CCSER1: variants seen among roughly 807,000 people sequenced by gnomAD.
CCSER1 encodes serine-rich coiled-coil domain-containing protein 1.
In CCSER1, 41 loss-of-function variants were observed where a neutral mutation model predicts 82.0. The ratio of observed to expected loss-of-function variants is 0.50; its 90% CI spans 0.39 to 0.65. CCSER1 has a LOEUF of 0.65. CCSER1 is among the 30% of genes least tolerant of loss of function. The pLI is 0.00. For missense variants in CCSER1, 1,119 were observed against 1,064.2 expected (o/e 1.05, Z -0.72); for synonymous variants, 414 against 383.9 (o/e 1.08, Z -0.92).
intron 10 of CCSER1, among the ~76,000 whole-genome samples, chr4:91,520,225 G>A (rs1279658998): frequency 6.6e-6 from 1 of 150,916 alleles, no homozygotes. Flanking sequence ...TTGTTCTAGG[G>A]ATTACAATTA....
At chr4:90,535,612 C>G (rs1775218805) in intron 5 of CCSER1, among the ~76,000 whole-genome samples, 1 of 152,210 alleles carries the variant, frequency 6.6e-6, no homozygotes, top group African/African-American at 2.4e-5. Context: ...TATACCTACA[C>G]TGGCTCATAG....
intron 10 of CCSER1, among the ~76,000 whole-genome samples, chr4:91,280,321 T>C (rs990768572): frequency 2.0e-5 from 3 of 152,132 alleles, no homozygotes; most frequent in African/African-American, 7.2e-5. Context: ...TGGTATTGCA[T>C]GGGTGATAGC....
At chr4:90,304,264 CA>C (rs1733772178) in intron 1 of CCSER1, among the ~76,000 whole-genome samples, 2 of 152,158 alleles carry the variant, frequency 1.3e-5, no homozygotes, top group African/African-American at 2.4e-5. Flanking sequence ...TCTAGAACTA[CA>C]AATACCACTT....
At chr4:90,487,426 A>G (rs1301049600) in intron 5 of CCSER1, among the ~76,000 whole-genome samples, 1 of 152,220 alleles carries the variant, frequency 6.6e-6, no homozygotes, top group Non-Finnish European at 1.5e-5. Context: ...TTTAATGTAC[A>G]GTAGTCATTT....
At chr4:90,562,657 C>G (rs955919350) in intron 5 of CCSER1, among the ~76,000 whole-genome samples, 4 of 151,972 alleles carry the variant, frequency 2.6e-5, no homozygotes, top group African/African-American at 9.7e-5. Context: ...TCTGCCCCAG[C>G]CTCCCAAGTA....
intron 6 of CCSER1, among the ~76,000 whole-genome samples, chr4:90,664,518 A>G (rs1209119038): frequency 6.6e-6 from 1 of 152,206 alleles, no homozygotes; most frequent in Non-Finnish European, 1.5e-5. Flanking sequence ...TGTGGTTCAC[A>G]TTAATAGTTA....
rs577551418 is a variant in CCSER1, at chr4:90,158,197, G to A, written c.-42+30366G>A. Among the ~76,000 whole-genome samples the A allele has an allele frequency of 1.5e-3, 230 of 152,220 alleles. 1 individual carries two copies. Among genetic ancestry groups the A allele is most frequent in the African/African-American group, 5.0e-3 (209 of 41,530 alleles). On this transcript the variant is annotated intron_variant, in intron 1 of 10. Coordinates refer to ENST00000509176, the MANE Select transcript of CCSER1 (RefSeq NM_001145065.2). ...GTGGCTGCATAAACAGCGGATTTTC[G>A]TGAACCGCAAATGCTGCTGTCTGAT... is the stretch of plus-strand genomic sequence containing the variant.
At chr4:90,745,536 C>T (rs988186446) in intron 7 of CCSER1, among the ~76,000 whole-genome samples, 2 of 152,050 alleles carry the variant, frequency 1.3e-5, no homozygotes, top group Non-Finnish European at 1.5e-5. Flanking sequence ...TACCAAGTAA[C>T]TTTTGTTCTG....
chr4:90,947,272 A>G (rs1430473892), intron 9 of CCSER1, among the ~76,000 whole-genome samples: 1 of 152,180 alleles, frequency 6.6e-6, no homozygotes, highest in African/African-American at 2.4e-5. Flanking sequence ...GGTCTTAATG[A>G]AAATATGGAA....
intron 10 of CCSER1, among the ~76,000 whole-genome samples, chr4:91,552,458 A>G (rs1381942687): frequency 1.3e-5 from 2 of 151,740 alleles, no homozygotes; most frequent in Admixed American, 1.3e-4. Flanking sequence ...TAACAAGATC[A>G]TTATACAGAG....
chr4:90,621,140 C>G (rs745462405), intron 5 of CCSER1, among the ~76,000 whole-genome samples: 1 of 152,114 alleles, frequency 6.6e-6, no homozygotes, highest in Admixed American at 6.5e-5. Context: ...TTACAGCTGA[C>G]TCTCCTCTCT....
chr4:90,948,107 G>A (rs34473363), intron 9 of CCSER1, among the ~76,000 whole-genome samples: 2 of 151,754 alleles, frequency 1.3e-5, no homozygotes, highest in African/African-American at 4.8e-5. Flanking sequence ...AGTGTTGAGT[G>A]TAAAGTGAAA....
At chr4:91,086,352 A>G (rs1048290059) in intron 10 of CCSER1, among the ~76,000 whole-genome samples, 2 of 152,092 alleles carry the variant, frequency 1.3e-5, no homozygotes, top group Non-Finnish European at 2.9e-5. Context: ...AATTCTAACA[A>G]TGCAAATATT....
chr4:91,260,155 T>G (rs983689596), intron 10 of CCSER1, among the ~76,000 whole-genome samples: 1 of 152,206 alleles, frequency 6.6e-6, no homozygotes, highest in Non-Finnish European at 1.5e-5. Context: ...TTCTCTATAC[T>G]ATTAATTTTA....
At chr4:91,315,369 T>C (rs1189059399) in intron 10 of CCSER1, among the ~76,000 whole-genome samples, 1 of 151,954 alleles carries the variant, frequency 6.6e-6, no homozygotes, top group East Asian at 1.9e-4. Flanking sequence ...TGTTATGAAC[T>C]TCTTTCAGGC....
chr4:90,273,829 A>C (rs780938088), intron 1 of CCSER1, among the ~76,000 whole-genome samples: 4 of 152,086 alleles, frequency 2.6e-5, no homozygotes, highest in Non-Finnish European at 5.9e-5. Flanking sequence ...ACATAGAAGA[A>C]AGGAAGGGAA....
chr4:91,168,970 G>A (rs1410444711), intron 10 of CCSER1, among the ~76,000 whole-genome samples: 4 of 152,038 alleles, frequency 2.6e-5, no homozygotes, highest in East Asian at 1.9e-4. Context: ...GGTGCAAGAT[G>A]TGCTTTGTTA....
At chr4:91,286,991 G>A (rs977254428) in intron 10 of CCSER1, among the ~76,000 whole-genome samples, 3 of 151,790 alleles carry the variant, frequency 2.0e-5, no homozygotes, top group Non-Finnish European at 4.4e-5. Context: ...ATAGTTCAAT[G>A]TTAACCCAAC....
chr4:90,641,232 C>T (rs926028957), intron 6 of CCSER1, among the ~76,000 whole-genome samples: 1 of 151,864 alleles, frequency 6.6e-6, no homozygotes, highest in African/African-American at 2.4e-5. Flanking sequence ...AATCCTCATA[C>T]AGAATATGGA....
Sources: allele counts gnomAD v4.1 joint callset (sites outside exome capture counted in the v4.1 genomes callset), GRCh38; gene constraint gnomAD v4.1.1; transcripts MANE v1.5; gene names NCBI Gene and HGNC (gene_info 2026-07-23, HGNC 2026-07-21).